GADL1: variants seen among roughly 807,000 people sequenced by gnomAD.
GADL1 encodes GAD like acidic amino acid decarboxylase 1.
In GADL1, 71 loss-of-function variants were observed where a neutral mutation model predicts 69.5. The observed-to-expected ratio is 1.02, with a 90% CI of 0.84 to 1.25. The LOEUF (loss-of-function observed/expected upper bound fraction) is 1.25. Ranked by LOEUF, GADL1 falls within the 50% of genes most tolerant of loss-of-function variation. The pLI, the probability that GADL1 is intolerant of heterozygous loss-of-function variation, is 0.00. For synonymous variants in GADL1, 254 were observed against 214.4 expected, an observed-to-expected ratio of 1.18 and a Z score of -1.62; for missense variants, 737 against 631.8, an observed-to-expected ratio of 1.17 and a Z score of -1.79.
intron 11 of GADL1, among the ~76,000 whole-genome samples, chr3:30,822,850 T>C (rs1697610034): frequency 6.6e-6 from 1 of 152,040 alleles, no homozygotes; most frequent in African/African-American, 2.4e-5. Context: ...GCTTAAAATG[T>C]TACTAACCTT....
intron 12 of GADL1, among the ~76,000 whole-genome samples, chr3:30,791,807 T>C (rs1344601256): frequency 6.6e-6 from 1 of 152,086 alleles, no homozygotes; most frequent in African/African-American, 2.4e-5. Context: ...AATTGAATCA[T>C]GTGGGTGGGT....
intron 14 of GADL1, among the ~76,000 whole-genome samples, chr3:30,768,180 T>G (rs1696330146): frequency 6.6e-6 from 1 of 152,126 alleles, no homozygotes; most frequent in Non-Finnish European, 1.5e-5. Context: ...CTGCATGAGT[T>G]TTTTCAGGCA....
At chr3:30,851,111 G>T (rs1698139164) in intron 4 of GADL1, among the ~76,000 whole-genome samples, 170 bp from the exon 5 acceptor site, 1 of 152,174 alleles carries the variant, frequency 6.6e-6, no homozygotes, top group African/African-American at 2.4e-5. Flanking sequence ...GACAGCACTA[G>T]TCATGGTTAG....
At chr3:30,885,774 T>C (rs191967434) in intron 1 of GADL1, among the ~76,000 whole-genome samples, 1 of 151,952 alleles carries the variant, frequency 6.6e-6, no homozygotes, top group Admixed American at 6.5e-5. Context: ...TTAAATTTTA[T>C]ATATTTACTT....
intron 4 of GADL1, among the ~76,000 whole-genome samples, chr3:30,853,965 A>G (rs999658053): frequency 2.6e-5 from 4 of 152,014 alleles, no homozygotes; most frequent in African/African-American, 9.7e-5. Flanking sequence ...ACTCATAAAC[A>G]TGGTCACCTG....
intron 9 of GADL1, among the ~76,000 whole-genome samples, chr3:30,837,259 C>T (rs1440228753): frequency 2.0e-5 from 3 of 151,946 alleles, no homozygotes; most frequent in African/African-American, 7.2e-5. Context: ...TAATAAAGTA[C>T]CTATGGCATA....
At position 30,800,942 on chromosome 3, in the gene GADL1, G is replaced by A; in HGVS notation, c.1197C>T (p.Ala399=). The part of the protein sequence containing the change: ...DAFKFWMTWK[A]LGTLGLEERV... Reference sequence around the variant, plus strand: ...TTTCTTCAAGGCCTAATGTACCCAGGGCCTTCCAGGTCATCCAGAACTTGA... The same window carrying A: ...TTTCTTCAAGGCCTAATGTACCCAGAGCCTTCCAGGTCATCCAGAACTTGA... The change falls in exon 12 of 15, where the codon GCC becomes GCT. Residue 399 remains alanine, a synonymous_variant. Coordinates refer to ENST00000282538, the MANE Select transcript of GADL1 (RefSeq NM_207359.3). 1 of 1,612,864 alleles carries A rather than the reference G, an allele frequency of 6.2e-7. No homozygotes were observed. The highest frequency in any genetic ancestry group is 8.5e-7 in the Non-Finnish European group (1 of 1,179,840).
At chr3:30,821,521 A>G (rs1031152425) in intron 11 of GADL1, among the ~76,000 whole-genome samples, 3 of 138,386 alleles carry the variant, frequency 2.2e-5, no homozygotes, top group Admixed American at 1.5e-4. Flanking sequence ...ACTTTTGTAC[A>G]TATTTGAAAT....
intron 1 of GADL1, among the ~76,000 whole-genome samples, chr3:30,887,244 C>T (rs540543512): frequency 4.9e-4 from 75 of 152,256 alleles, no homozygotes; most frequent in African/African-American, 1.8e-3. Context: ...AAAGAAGGTG[C>T]TGTGGTTTGA....
At chr3:30,742,750 A>G (rs1309812717) in intron 14 of GADL1, among the ~76,000 whole-genome samples, 1 of 152,184 alleles carries the variant, frequency 6.6e-6, no homozygotes, top group Non-Finnish European at 1.5e-5. Flanking sequence ...CAAGAAAACA[A>G]AATAATATAA....
chr3:30,856,904 T>C (rs946100673), intron 3 of GADL1, 111 bp downstream of exon 3: 1 of 850,916 alleles, frequency 1.2e-6, no homozygotes, highest in African/African-American at 1.7e-5. Flanking sequence ...TACTAATTTT[T>C]TGATCCAGAT....
chr3:30,814,993 T>C (rs1697437694), intron 11 of GADL1, among the ~76,000 whole-genome samples: 1 of 151,888 alleles, frequency 6.6e-6, no homozygotes, highest in South Asian at 2.1e-4. Context: ...TTTTTTTCAT[T>C]AAGGCAAATT....
chr3:30,756,340 C>G (rs1007745072), intron 14 of GADL1, among the ~76,000 whole-genome samples: 2 of 152,126 alleles, frequency 1.3e-5, no homozygotes, highest in South Asian at 4.2e-4. Context: ...GTTGCCAAGT[C>G]CAAGTGAGAT....
chr3:30,844,201 C>T lies in GADL1; in HGVS notation c.786+9G>A. 2 of 1,609,352 alleles carry T rather than the reference C, an allele frequency of 1.2e-6. No individual in the cohort carries two copies. The highest frequency in any genetic ancestry group is 1.7e-6 in the Non-Finnish European group (2 of 1,177,288). Reference sequence around the variant, plus strand: ...CGTTCTCTCTCCCTCTCGCTTTCTCCCCTCTCACCTCTTTTCTGGCTTGCC... The same window carrying T: ...CGTTCTCTCTCCCTCTCGCTTTCTCTCCTCTCACCTCTTTTCTGGCTTGCC... On this transcript the variant is annotated intron_variant, in intron 8 of 14. Coordinates refer to ENST00000282538, the MANE Select transcript of GADL1 (RefSeq NM_207359.3).
chr3:30,736,458 CACTCACTAA>C (rs1695543006), intron 14 of GADL1, among the ~76,000 whole-genome samples: 3 of 152,104 alleles, frequency 2.0e-5, no homozygotes, highest in Admixed American at 6.6e-5. Flanking sequence ...GCATACTAGG[CACTCACTAA>C]TAGGAACTAA....
chr3:30,769,414 A>G (rs1696364186), intron 14 of GADL1, among the ~76,000 whole-genome samples: 1 of 152,076 alleles, frequency 6.6e-6, no homozygotes, highest in African/African-American at 2.4e-5. Flanking sequence ...ATACCTCCTT[A>G]GGTTACGCAA....
At chr3:30,853,767 C>A (rs569702708) in intron 4 of GADL1, among the ~76,000 whole-genome samples, 1 of 152,186 alleles carries the variant, frequency 6.6e-6, no homozygotes, top group East Asian at 1.9e-4. Flanking sequence ...TTTTTGAACT[C>A]ATTCTTTCCC....
At chr3:30,831,766 G>A (rs1288053937) in intron 11 of GADL1, among the ~76,000 whole-genome samples, 7 of 151,924 alleles carry the variant, frequency 4.6e-5, no homozygotes, top group Non-Finnish European at 1.0e-4. Flanking sequence ...ACATAACTAT[G>A]TCATAGAAAC....
chr3:30,782,030 T>C (rs557995059), intron 13 of GADL1, among the ~76,000 whole-genome samples: 86 of 152,316 alleles, frequency 5.6e-4, no homozygotes, highest in African/African-American at 1.9e-3. Flanking sequence ...AGATATTGAC[T>C]AGGCATCAGG....
Sources: allele counts gnomAD v4.1 joint callset (sites outside exome capture counted in the v4.1 genomes callset), GRCh38; gene constraint gnomAD v4.1.1; transcripts MANE v1.5; gene names NCBI Gene and HGNC (gene_info 2026-07-23, HGNC 2026-07-21).